Variants in CACNG2 observed in about 807,000 individuals in gnomAD.
CACNG2 encodes the protein calcium voltage-gated channel auxiliary subunit gamma 2.
A neutral mutation model predicts 25.9 loss-of-function variants in CACNG2; 3 were observed. That is an observed-to-expected ratio of 0.12 (90% CI 0.05 to 0.30). The LOEUF is 0.30. Ranked by LOEUF, CACNG2 falls within the 10% of genes least tolerant of loss-of-function variation. The pLI, the probability that CACNG2 is intolerant of heterozygous loss-of-function variation, is 1.00. For missense variants in CACNG2, 341 were observed against 432.5 expected (o/e 0.79, Z 1.88); for synonymous variants, 167 against 173.3 (o/e 0.96, Z 0.29).
In CACNG2 at chr22:36,564,299, C is replaced by A. The variant is rs1382498878; in HGVS notation, c.*52G>T. The A allele has an allele frequency of 1.3e-6, 2 of 1,548,748 alleles. No homozygotes were observed. Among genetic ancestry groups the A allele is most frequent in the East Asian group, 2.3e-5 (1 of 42,984 alleles). On this transcript the variant is annotated 3_prime_UTR_variant, in exon 4 of 4. Coordinates refer to ENST00000300105, the MANE Select transcript of CACNG2 (RefSeq NM_006078.5). This position sits in a 1 kb window ranked among gnomAD's most constrained non-coding sequence, Gnocchi z 6.7. ...GTCTGGGTCTCCCCGCCCCGCCCCG[C>A]CCCCGGGGACCGCGCCCTCCTCCCG...
chr22:36,630,052 C>G (rs1936245117), intron 1 of CACNG2, among the ~76,000 whole-genome samples: 1 of 152,142 alleles, frequency 6.6e-6, no homozygotes, highest in Non-Finnish European at 1.5e-5. Context: ...GGCTTTTAGG[C>G]AGAGACAAGC....
intron 1 of CACNG2, among the ~76,000 whole-genome samples, chr22:36,634,930 G>A: frequency 6.6e-6 from 1 of 152,206 alleles, no homozygotes; most frequent in East Asian, 1.9e-4. Flanking sequence ...CCTGGTTAGG[G>A]AAGACTTAAT....
chr22:36,676,403 G>A (rs927210090), intron 1 of CACNG2, among the ~76,000 whole-genome samples: 4 of 152,132 alleles, frequency 2.6e-5, no homozygotes, highest in African/African-American at 9.7e-5. Flanking sequence ...CATCGATGGC[G>A]TACCCAGGAT....
Position 36,623,241 on chromosome 22 carries a change from G to A in CACNG2, c.212-35693C>T, listed in dbSNP as rs956508773. 5.9e-5 allele frequency among the ~76,000 whole-genome samples: 9 copies of A among 151,710 alleles called. No homozygotes were observed. The East Asian group carries it at 7.9e-4, about 13-fold the overall frequency. ...TCACCATGTTGGTCAGGCTGGTCTC[G>A]AACTCCTGACCTCAAGTGATCTGCC... On this transcript the variant is annotated intron_variant, in intron 1 of 3. Coordinates refer to ENST00000300105, the MANE Select transcript of CACNG2 (RefSeq NM_006078.5).
intron 2 of CACNG2, among the ~76,000 whole-genome samples, chr22:36,587,042 G>GAAA (rs1935517503): frequency 6.6e-6 from 1 of 151,534 alleles, no homozygotes. Flanking sequence ...TTCACTGAGT[G>GAAA]CTTATCACAT....
chr22:36,582,859 C>T (rs1935442209), intron 2 of CACNG2, among the ~76,000 whole-genome samples: 1 of 151,980 alleles, frequency 6.6e-6, no homozygotes, highest in African/African-American at 2.4e-5. Flanking sequence ...CCCTGAGGGC[C>T]ATAACCTCAG....
At chr22:36,573,571 A>C (rs977435027) in intron 2 of CACNG2, among the ~76,000 whole-genome samples, 1 of 152,184 alleles carries the variant, frequency 6.6e-6, no homozygotes, top group African/African-American at 2.4e-5. Context: ...GCCTCAAATG[A>C]TATGCCTGCC....
chr22:36,683,367 G>T (rs1005910036), intron 1 of CACNG2, among the ~76,000 whole-genome samples: 1 of 152,186 alleles, frequency 6.6e-6, no homozygotes, highest in Non-Finnish European at 1.5e-5. Flanking sequence ...GGTGGATGAA[G>T]CCCTTGGATC....
chr22:36,672,303 C>T (rs1171119293), intron 1 of CACNG2, among the ~76,000 whole-genome samples: 1 of 152,140 alleles, frequency 6.6e-6, no homozygotes, highest in Non-Finnish European at 1.5e-5. Flanking sequence ...GCTACAGGTG[C>T]ACACCATACC....
intron 1 of CACNG2, among the ~76,000 whole-genome samples, chr22:36,658,308 C>G (rs964446986): frequency 6.6e-6 from 1 of 152,180 alleles, no homozygotes; most frequent in Non-Finnish European, 1.5e-5. Context: ...AATCCAAGAT[C>G]AAGGCAGATT....
At chr22:36,677,124 C>A (rs1389339047) in intron 1 of CACNG2, among the ~76,000 whole-genome samples, 1 of 152,102 alleles carries the variant, frequency 6.6e-6, no homozygotes, top group Non-Finnish European at 1.5e-5. Flanking sequence ...TAAAATAACT[C>A]TGCTGAAGAA....
At chr22:36,596,882 C>G (rs561335863) in intron 1 of CACNG2, among the ~76,000 whole-genome samples, 9 of 152,018 alleles carry the variant, frequency 5.9e-5, no homozygotes, top group African/African-American at 2.2e-4. Context: ...CTCAGCCTCC[C>G]GGGTAGCTGT....
chr22:36,676,617 T>A (rs748311403), intron 1 of CACNG2, among the ~76,000 whole-genome samples: 9 of 152,218 alleles, frequency 5.9e-5, no homozygotes, highest in Non-Finnish European at 1.3e-4. Context: ...CTCGTGAGGC[T>A]GCTACGAGGC....
Position 36,630,256 on chromosome 22 carries a change from A to G in CACNG2, c.212-42708T>C, listed in dbSNP as rs9619626. Among the ~76,000 whole-genome samples, 502 of 152,296 alleles carry G rather than the reference A, an allele frequency of 3.3e-3. 6 individuals carry two copies. Among genetic ancestry groups the G allele is most frequent in the African/African-American group, 0.012 (481 of 41,554 alleles). ...AGGTATTGTGGCAGACCCAGTGGGA[A>G]GCCTTGGTGGCCTGGGTGGAGGTAG... is the stretch of plus-strand genomic sequence containing the variant. On this transcript the variant is annotated intron_variant, in intron 1 of 3. Coordinates refer to ENST00000300105, the MANE Select transcript of CACNG2 (RefSeq NM_006078.5).
chr22:36,675,689 G>A (rs917166752), intron 1 of CACNG2, among the ~76,000 whole-genome samples: 2 of 152,230 alleles, frequency 1.3e-5, no homozygotes, highest in Non-Finnish European at 2.9e-5. Flanking sequence ...CCAGCTCACA[G>A]CTCCCCATCT....
intron 1 of CACNG2, among the ~76,000 whole-genome samples, chr22:36,698,025 C>T (rs6000388): frequency 0.17 from 25,278 of 152,058 alleles, 2,649 homozygotes; most frequent in African/African-American, 0.29. Flanking sequence ...TGACTGACTC[C>T]TTTTGAATTC....
At position 36,587,555 on chromosome 22, in the gene CACNG2, A is replaced by G; in HGVS notation, c.212-7T>C. On this transcript the variant is annotated splice_region_variant and splice_polypyrimidine_tract_variant and intron_variant, in intron 1 of 3. Coordinates refer to ENST00000300105, the MANE Select transcript of CACNG2 (RefSeq NM_006078.5). ...CACAGACCTTTGAAATTCCCTGCAA[A>G]ACAAGGGGAGAAGGAGCACATGAAA... 6.2e-7 allele frequency: 1 copy of G among 1,604,068 alleles called. No homozygotes were observed. Among genetic ancestry groups the G allele is most frequent in the Non-Finnish European group, 8.5e-7 (1 of 1,170,768 alleles).
intron 2 of CACNG2, among the ~76,000 whole-genome samples, chr22:36,572,446 T>C (rs1935248027): frequency 1.3e-5 from 2 of 152,106 alleles, no homozygotes; most frequent in Non-Finnish European, 2.9e-5. Context: ...AAACTTTATT[T>C]ACAAAATCAC....
intron 1 of CACNG2, among the ~76,000 whole-genome samples, chr22:36,621,074 C>T (rs1936096668): frequency 6.6e-6 from 1 of 152,238 alleles, no homozygotes. Context: ...AAGTGACTTG[C>T]TTTTGGATTA....
Sources: gnomAD v4.1 joint callset for allele counts (sites outside exome capture counted in the v4.1 genomes callset) on GRCh38, gnomAD v4.1.1 for gene constraint, Gnocchi (gnomAD v3.1) non-coding constraint, MANE v1.5 for transcripts, NCBI Gene and HGNC (gene_info 2026-07-23, HGNC 2026-07-21) for gene names.